Variants in TMC2 observed in about 807,000 individuals in gnomAD.
TMC2 encodes the protein transmembrane channel-like protein 2.
Under a neutral mutation model 105.9 loss-of-function variants are expected in TMC2, and 102 were observed. That is an observed-to-expected ratio of 0.96 (90% CI 0.82 to 1.14). The LOEUF is 1.14. TMC2 is among the 50% of genes most tolerant of loss of function. TMC2 has a pLI of 0.00. For missense variants in TMC2, 1,093 were observed against 1,134.3 expected (o/e 0.96, Z 0.52); for synonymous variants, 402 against 422.8 (o/e 0.95, Z 0.60).
chr20:2,584,216 G>A (rs915343883), intron 7 of TMC2, among the ~76,000 whole-genome samples: 12 of 151,854 alleles, frequency 7.9e-5, no homozygotes, highest in African/African-American at 2.4e-4. Context: ...AGGCCGAGGC[G>A]GGCGGATCAC....
chr20:2,543,894 T>C (rs2085906867), intron 2 of TMC2, among the ~76,000 whole-genome samples: 1 of 145,180 alleles, frequency 6.9e-6, no homozygotes, highest in South Asian at 2.2e-4. Flanking sequence ...TGTTTCAACC[T>C]GCATGTCAGT....
At chr20:2,628,959 G>A (rs6050688) in intron 17 of TMC2, among the ~76,000 whole-genome samples, 102,481 of 143,352 alleles carry the variant, frequency 0.71, 35,563 homozygotes, top group East Asian at 0.83. Context: ...AAAATTAGCC[G>A]GGCGTGGTGG....
intron 14 of TMC2, among the ~76,000 whole-genome samples, chr20:2,614,272 GA>G (rs1217148980): frequency 6.6e-6 from 1 of 152,092 alleles, no homozygotes; most frequent in Non-Finnish European, 1.5e-5. Flanking sequence ...AAGTTCATTT[GA>G]AAAATAAGCA....
intron 7 of TMC2, among the ~76,000 whole-genome samples, chr20:2,583,459 A>G (rs2086209515): frequency 6.9e-6 from 1 of 145,394 alleles, no homozygotes; most frequent in Non-Finnish European, 1.5e-5. Context: ...CAACCACATA[A>G]GCACTTTTTT....
chr20:2,561,572 T>C (rs990644778), intron 3 of TMC2, among the ~76,000 whole-genome samples: 2 of 152,182 alleles, frequency 1.3e-5, no homozygotes, highest in Admixed American at 6.5e-5. Flanking sequence ...ACTAGAAAAA[T>C]TTGCATTACA....
Position 2,562,088 on chromosome 20 carries a change from A to T in TMC2, c.554+78A>T, listed in dbSNP as rs1340877636. 4 of 1,511,838 alleles carry T rather than the reference A, an allele frequency of 2.6e-6. No homozygotes were observed. The African/African-American group carries it at 5.6e-5, about 21-fold the overall frequency. The allele number at this position is 1,511,838 out of a possible 1,614,324, so 93.7% of individuals were successfully genotyped here. On this transcript the variant is annotated intron_variant, in intron 4 of 19. Transcript: ENST00000358864. ...ATGGGAATGGGAGCCCTCCCTCCACATTTCCCCAAAGGGGCTTGATGTGAG... is the reference window on the plus strand; with the variant it reads ...ATGGGAATGGGAGCCCTCCCTCCACTTTTCCCCAAAGGGGCTTGATGTGAG...
At chr20:2,610,733 A>G (rs1300119668) in intron 12 of TMC2, 135 bp downstream of exon 12, 1 of 516,642 alleles carries the variant, frequency 1.9e-6, no homozygotes, top group Non-Finnish European at 2.7e-6. Flanking sequence ...AAATTAAAAA[A>G]AAACTCCTTG....
intron 7 of TMC2, among the ~76,000 whole-genome samples, chr20:2,581,908 T>C (rs369986268): frequency 1.3e-5 from 2 of 152,156 alleles, no homozygotes; most frequent in African/African-American, 4.8e-5. Flanking sequence ...ATCTGAACCA[T>C]TCGTGCTAGA....
rs57860432 is a variant in TMC2 at position 2,539,990 on chromosome 20, C to CTTTTTT, written c.82+2687_82+2692dup. 5.4e-4 allele frequency among the ~76,000 whole-genome samples: 62 copies of CTTTTTT among 115,064 alleles called. 3 individuals carry two copies. The highest frequency in any genetic ancestry group is 7.5e-4 in the East Asian group (3 of 3,998). The allele number at this position is 115,064 out of a possible 152,430, so 75.5% of individuals were successfully genotyped here. On this transcript the variant is annotated intron_variant, in intron 2 of 19. Transcript: ENST00000358864. ...CAAGACTATTCTTTTCTTTTCTTTTCTTTTTTTTTTTTTTTTTTGAGATGG... is the reference window on the plus strand; with the variant it reads ...CAAGACTATTCTTTTCTTTTCTTTTCTTTTTTTTTTTTTTTTTTTTTTTTGAGATGG...
At chr20:2,569,934 C>T (rs1080626) in intron 4 of TMC2, among the ~76,000 whole-genome samples, 5,024 of 152,196 alleles carry the variant, frequency 0.033, 276 homozygotes, top group African/African-American at 0.11. Flanking sequence ...ATCTAATATT[C>T]CTTCATGATA....
intron 7 of TMC2, among the ~76,000 whole-genome samples, chr20:2,585,067 A>G (rs1418853384): frequency 1.3e-5 from 2 of 152,218 alleles, no homozygotes; most frequent in African/African-American, 4.8e-5. Context: ...AAATAGAAAT[A>G]TGTAGTATGC....
Position 2,641,745 on chromosome 20 carries a change from G to T in TMC2, c.*394G>T, listed in dbSNP as rs1196936081. On this transcript the variant is annotated 3_prime_UTR_variant, in exon 20 of 20. Transcript: ENST00000358864. ...TTCTGCCAGCTTCCCTAACCAGGAG[G>T]GGGATGGAGAAGGGCCTACATTTCT... is the stretch of plus-strand genomic sequence containing the variant. 3 of 191,894 alleles carry T rather than the reference G, an allele frequency of 1.6e-5. No homozygotes were observed. The highest frequency in any genetic ancestry group is 1.3e-4 in the East Asian group (1 of 7,826). 11.9% of individuals were successfully genotyped at this position (191,894 alleles called of 1,614,324 possible).
chr20:2,544,068 A>ATT (rs3051737), intron 2 of TMC2, among the ~76,000 whole-genome samples: 285 of 132,484 alleles, frequency 2.2e-3, no homozygotes, highest in Middle Eastern at 3.8e-3. Context: ...TGCCTAGCTG[A>ATT]TTTTTTTTTT....
intron 6 of TMC2, 123 bp downstream of exon 6, chr20:2,579,350 A>C (rs976420464): frequency 2.4e-6 from 1 of 423,848 alleles, no homozygotes; most frequent in African/African-American, 2.1e-5. Context: ...AGGAAAAAAG[A>C]ATGAGTTTTG....
chr20:2,558,708 C>A lies in TMC2; in HGVS notation c.335C>A (p.Ala112Glu), dbSNP rs767099811. The A allele has an allele frequency of 3.1e-6, 5 of 1,604,330 alleles. No homozygotes were observed. In the Admixed American group the frequency reaches 8.5e-5, roughly 27 times the overall value. The change falls in exon 3 of 20, where the codon GCA (alanine) becomes GAA (glutamate). Residue 112 changes from alanine to glutamate, a missense_variant. Physicochemically the swap from Ala to Glu is moderately radical, Grantham distance 107. Coordinates refer to ENST00000358864, the MANE Select transcript of TMC2 (RefSeq NM_080751.3). The surrounding 1 kb of genome is among the most constrained non-coding windows in gnomAD (Gnocchi z 4.6). Reference sequence around the variant, plus strand: ...AGGGCCTCCTTCCAGGAGCGGACAGCAGCCCCAAAGAGGGAAAAGGAGATT... The same window carrying A: ...AGGGCCTCCTTCCAGGAGCGGACAGAAGCCCCAAAGAGGGAAAAGGAGATT... Reference protein sequence around the residue: ...DERASFQERTAAPKREKEIPR... With the variant: ...DERASFQERTEAPKREKEIPR...
At chr20:2,574,440 A>G (rs1371610585) in intron 5 of TMC2, among the ~76,000 whole-genome samples, 1 of 152,326 alleles carries the variant, frequency 6.6e-6, no homozygotes, top group Non-Finnish European at 1.5e-5. Context: ...TTATGCTGTA[A>G]ATCAGTTTTG....
At position 2,610,588 on chromosome 20, in the gene TMC2, T is replaced by C. The variant is rs759363492; in HGVS notation, c.1583T>C (p.Val528Ala). Reference protein sequence around the residue: ...YTFLLALMDDVHLKLANEETI... With the variant: ...YTFLLALMDDAHLKLANEETI... ...TTTCTCTTGGCCCTGATGGATGACG[T>C]CCACCTCAAGGTAAAAACCACAACA... Residue 528 changes from valine (V) to alanine (A), a missense_variant, in exon 12 of 20, where the codon GTC becomes GCC. Transcript: ENST00000358864. The C allele has an allele frequency of 1.9e-6, 3 of 1,591,458 alleles. No individual in the cohort carries two copies. The highest frequency in any genetic ancestry group is 1.4e-5 in the African/African-American group (1 of 73,898).
chr20:2,605,259 G>C (rs1011562221), intron 11 of TMC2, among the ~76,000 whole-genome samples: 11 of 152,204 alleles, frequency 7.2e-5, no homozygotes, highest in Admixed American at 7.2e-4. Flanking sequence ...TGTCCTGGAA[G>C]TAAAGTGTTG....
chr20:2,636,768 C>T (rs6083908), intron 18 of TMC2, among the ~76,000 whole-genome samples: 16 of 33,168 alleles, frequency 4.8e-4, no homozygotes, highest in East Asian at 3.9e-3. Context: ...GGACTACAGG[C>T]GTGCATGCAC....
Sources: allele counts gnomAD v4.1 joint callset (sites outside exome capture counted in the v4.1 genomes callset), GRCh38; gene constraint gnomAD v4.1.1; non-coding constraint Gnocchi (gnomAD v3.1); transcripts MANE v1.5; gene names NCBI Gene and HGNC (gene_info 2026-07-23, HGNC 2026-07-21).